Variants in PKNOX2 observed in about 807,000 individuals in gnomAD.
The protein encoded by PKNOX2 is PBX/knotted 1 homeobox 2, also known as homeobox protein PKNOX2.
Under a neutral mutation model 53.1 loss-of-function variants are expected in PKNOX2, and 14 were observed. The observed-to-expected ratio is 0.26, with a 90% confidence interval of 0.17 to 0.41. The LOEUF (loss-of-function observed/expected upper bound fraction) is 0.41. PKNOX2 is among the 10% of genes least tolerant of loss of function. PKNOX2 has a pLI of 1.00. For synonymous variants in PKNOX2, 257 were observed against 242.8 expected (o/e 1.06, Z -0.54); for missense variants, 496 against 602.8 (o/e 0.82, Z 1.85).
intron 1 of PKNOX2, among the ~76,000 whole-genome samples, chr11:125,227,569 G>A (rs1226738992): frequency 6.6e-6 from 1 of 152,150 alleles, no homozygotes; most frequent in Non-Finnish European, 1.5e-5. Context: ...TCCTTCTTAA[G>A]GCTGAATCAT....
At chr11:125,346,846 G>A (rs981165555) in intron 3 of PKNOX2, among the ~76,000 whole-genome samples, 2 of 151,956 alleles carry the variant, frequency 1.3e-5, no homozygotes, top group Non-Finnish European at 2.9e-5. Context: ...AGGAGGGGAG[G>A]AGGTCAGGGG....
At chr11:125,251,592 G>A (rs1380728454) in intron 2 of PKNOX2, among the ~76,000 whole-genome samples, 2 of 105,346 alleles carry the variant, frequency 1.9e-5, no homozygotes, top group Non-Finnish European at 4.1e-5. Flanking sequence ...ATGAGACTCT[G>A]TTCTCTGGGA....
chr11:125,359,305 C>T (rs1271797812), intron 4 of PKNOX2, among the ~76,000 whole-genome samples: 2 of 152,128 alleles, frequency 1.3e-5, no homozygotes, highest in Non-Finnish European at 2.9e-5. Context: ...GCGAAGGGTC[C>T]CTCTGCCCCA....
At chr11:125,339,350 T>G (rs1219795174) in intron 3 of PKNOX2, among the ~76,000 whole-genome samples, 1 of 152,174 alleles carries the variant, frequency 6.6e-6, no homozygotes, top group Non-Finnish European at 1.5e-5. Context: ...TTGGCAATCT[T>G]GGACTCAGGG....
intron 6 of PKNOX2, among the ~76,000 whole-genome samples, chr11:125,392,940 TG>T (rs750790897): frequency 6.6e-6 from 1 of 151,778 alleles, no homozygotes; most frequent in Non-Finnish European, 1.5e-5. Flanking sequence ...GGGCGGATCA[TG>T]AGGTCAGGAG....
At chr11:125,264,240 G>T (rs1395348657) in intron 2 of PKNOX2, among the ~76,000 whole-genome samples, 5 of 152,150 alleles carry the variant, frequency 3.3e-5, no homozygotes, top group African/African-American at 4.8e-5. Context: ...GGCCAGGATG[G>T]GTAGAGGCAG....
intron 2 of PKNOX2, among the ~76,000 whole-genome samples, chr11:125,321,253 A>C (rs922231812): frequency 6.6e-6 from 1 of 152,254 alleles, no homozygotes; most frequent in African/African-American, 2.4e-5. Context: ...AATTTCGAAC[A>C]GTAAATAGTT....
intron 3 of PKNOX2, among the ~76,000 whole-genome samples, chr11:125,333,535 G>GACACACAC (rs1267319651): frequency 1.7e-4 from 22 of 131,974 alleles, no homozygotes; most frequent in African/African-American, 6.7e-4. Flanking sequence ...TCAGTCCCAA[G>GACACACAC]ACACACACAC....
At chr11:125,180,859 C>T (rs934865150) in intron 1 of PKNOX2, among the ~76,000 whole-genome samples, 1 of 152,190 alleles carries the variant, frequency 6.6e-6, no homozygotes, top group South Asian at 2.1e-4. Context: ...TTCTCTCCCA[C>T]GAGGTAAAAT....
At chr11:125,176,223 G>T (rs1281928194) in intron 1 of PKNOX2, among the ~76,000 whole-genome samples, 1 of 152,228 alleles carries the variant, frequency 6.6e-6, no homozygotes, top group Admixed American at 6.5e-5. Context: ...GTGGGAGGCT[G>T]TCAGGGGCCT....
At chr11:125,190,566 C>T (rs1245051703) in intron 1 of PKNOX2, among the ~76,000 whole-genome samples, 3 of 152,188 alleles carry the variant, frequency 2.0e-5, no homozygotes, top group Non-Finnish European at 2.9e-5. Context: ...CTTTAGAGCC[C>T]AGCTTCTGCT....
intron 4 of PKNOX2, among the ~76,000 whole-genome samples, chr11:125,363,270 A>C (rs914662876): frequency 2.1e-4 from 32 of 152,134 alleles, no homozygotes; most frequent in African/African-American, 6.0e-4. Flanking sequence ...GTCACATCTC[A>C]TAGGGGCCTC....
chr11:125,301,900 A>C (rs1196238813), intron 2 of PKNOX2, among the ~76,000 whole-genome samples: 2 of 152,192 alleles, frequency 1.3e-5, no homozygotes, highest in Non-Finnish European at 2.9e-5. Context: ...GCCCAGACTC[A>C]GTCATTTTGG....
intron 2 of PKNOX2, among the ~76,000 whole-genome samples, chr11:125,326,047 A>T (rs1320673477): frequency 6.6e-6 from 1 of 152,256 alleles, no homozygotes; most frequent in African/African-American, 2.4e-5. Flanking sequence ...TTCATGTGAC[A>T]GGAACAGTAC....
intron 3 of PKNOX2, among the ~76,000 whole-genome samples, chr11:125,340,037 C>T (rs1339626899): frequency 2.6e-5 from 4 of 152,328 alleles, no homozygotes; most frequent in African/African-American, 9.6e-5. Context: ...GGGATCAGCA[C>T]TTTCATTTTC....
chr11:125,290,283 G>A (rs1406746198), intron 2 of PKNOX2, among the ~76,000 whole-genome samples: 1 of 152,240 alleles, frequency 6.6e-6, no homozygotes, highest in Non-Finnish European at 1.5e-5. Context: ...TACTGGTGGA[G>A]CGGAGCCGGC....
intron 3 of PKNOX2, among the ~76,000 whole-genome samples, chr11:125,348,059 C>T (rs1446474777): frequency 1.3e-5 from 2 of 152,150 alleles, no homozygotes; most frequent in Non-Finnish European, 2.9e-5. Context: ...TGCTCCCCTC[C>T]CTCTCCCAAA....
rs1490295765 is a variant in PKNOX2 at position 125,166,920 on chromosome 11, C to T, written c.-201+2144C>T. Among the ~76,000 whole-genome samples, 1 of 152,164 alleles carries T rather than the reference C, an allele frequency of 6.6e-6. No individual in the cohort carries two copies. The highest frequency in any genetic ancestry group is 1.5e-5 in the Non-Finnish European group (1 of 68,036). ...TTTAGGCAGTTTAGACGATCCTCCC[C>T]GCCCCAAATCTGAGAATGATGGTGT... On this transcript the variant is annotated intron_variant, in intron 1 of 12. Transcript: ENST00000298282. This position sits in a 1 kb window ranked among gnomAD's most constrained non-coding sequence, Gnocchi z 4.0.
intron 10 of PKNOX2, among the ~76,000 whole-genome samples, chr11:125,416,164 G>T (rs1020272757): frequency 2.0e-5 from 3 of 151,402 alleles, no homozygotes; most frequent in African/African-American, 7.3e-5. Context: ...TTAGCCGGGC[G>T]TGGTGGCGGG....
Sources: gnomAD v4.1 joint callset for allele counts (sites outside exome capture counted in the v4.1 genomes callset) on GRCh38, gnomAD v4.1.1 for gene constraint, Gnocchi (gnomAD v3.1) non-coding constraint, MANE v1.5 for transcripts, NCBI Gene and HGNC (gene_info 2026-07-23, HGNC 2026-07-21) for gene names.